HDAC9: variants seen among roughly 807,000 people sequenced by gnomAD.
HDAC9 encodes the protein MEF-2 interacting transcription repressor (MITR) protein.
In HDAC9, 41 loss-of-function variants were observed where a neutral mutation model predicts 139.4. The ratio of observed to expected loss-of-function variants is 0.29; its 90% confidence interval spans 0.23 to 0.38. The LOEUF (loss-of-function observed/expected upper bound fraction) is 0.38, where lower values mean the gene tolerates loss of function less well. Among genes scored for constraint, HDAC9 ranks in the 10% least tolerant of loss-of-function variants. The pLI is 1.00. For synonymous variants in HDAC9, 517 were observed against 476.2 expected (o/e 1.09, Z -1.12); for missense variants, 1,147 against 1,297.0 (o/e 0.88, Z 1.78).
chr7:18,344,061 G>A (rs1782217215), intron 1 of HDAC9, among the ~76,000 whole-genome samples: 2 of 151,714 alleles, frequency 1.3e-5, no homozygotes, highest in Admixed American at 1.3e-4. Flanking sequence ...TCACTTTTTA[G>A]GGTCTTAATG....
At chr7:18,299,780 A>G (rs776117060) in intron 1 of HDAC9, among the ~76,000 whole-genome samples, 1 of 152,314 alleles carries the variant, frequency 6.6e-6, no homozygotes, top group Admixed American at 6.5e-5. Flanking sequence ...TTAGTCATTC[A>G]GGGGCTCTGC....
chr7:18,862,778 C>T (rs947724184), intron 21 of HDAC9, among the ~76,000 whole-genome samples: 6 of 151,690 alleles, frequency 4.0e-5, no homozygotes, highest in African/African-American at 1.5e-4. Context: ...AAAAATAGGG[C>T]AAGATAAGAG....
intron 15 of HDAC9, among the ~76,000 whole-genome samples, chr7:18,765,117 C>A (rs536356033): frequency 1.3e-5 from 2 of 152,164 alleles, no homozygotes; most frequent in South Asian, 2.1e-4. Context: ...GATAAGACAA[C>A]ATAATTAAAA....
intron 1 of HDAC9, among the ~76,000 whole-genome samples, chr7:18,482,544 G>C (rs1373199694): frequency 6.6e-6 from 1 of 151,800 alleles, no homozygotes; most frequent in African/African-American, 2.4e-5. Context: ...TGTTATTAGA[G>C]TTATCAAATC....
At chr7:18,951,253 A>G (rs926290237) in intron 23 of HDAC9, among the ~76,000 whole-genome samples, 1 of 152,020 alleles carries the variant, frequency 6.6e-6, no homozygotes, top group Admixed American at 6.6e-5. Flanking sequence ...TATATGGTAT[A>G]TGCAACTTAA....
At chr7:18,937,645 A>T (rs1219245382) in intron 23 of HDAC9, among the ~76,000 whole-genome samples, 1 of 152,146 alleles carries the variant, frequency 6.6e-6, no homozygotes, top group Non-Finnish European at 1.5e-5. Flanking sequence ...CACTTATTTG[A>T]TTTTAATTAT....
intron 1 of HDAC9, among the ~76,000 whole-genome samples, chr7:18,392,123 A>G (rs1303743634): frequency 6.6e-6 from 1 of 152,098 alleles, no homozygotes; most frequent in Non-Finnish European, 1.5e-5. Context: ...TAGAATGACC[A>G]TTTACAAGTT....
chr7:18,487,357 GA>G (rs1796046878), intron 1 of HDAC9, among the ~76,000 whole-genome samples: 1 of 151,932 alleles, frequency 6.6e-6, no homozygotes, highest in African/African-American at 2.4e-5. Context: ...CAGAGACATG[GA>G]AAAATGAAAA....
intron 2 of HDAC9, among the ~76,000 whole-genome samples, chr7:18,187,593 C>T (rs1790014137): frequency 6.6e-6 from 1 of 152,172 alleles, no homozygotes; most frequent in African/African-American, 2.4e-5. Flanking sequence ...CAAACCTTGT[C>T]TTCCATTTTT....
chr7:18,898,011 G>T lies in HDAC9; in HGVS notation c.2803+23415G>T, dbSNP rs1328855173. On this transcript the variant is annotated intron_variant, in intron 22 of 25. Transcript: ENST00000686413. ...ATACATTTTTGTATATGCATGAATAGTAAAATATATTTCACACATTTCTTT... is the reference window on the plus strand; with the variant it reads ...ATACATTTTTGTATATGCATGAATATTAAAATATATTTCACACATTTCTTT... Among the ~76,000 whole-genome samples the T allele has an allele frequency of 2.6e-5, 4 of 151,344 alleles. No individual in the cohort carries two copies. In the East Asian group the frequency reaches 7.7e-4, roughly 29 times the overall value.
intron 21 of HDAC9, among the ~76,000 whole-genome samples, chr7:18,839,529 CAATGAATGAATG>C (rs914632204): frequency 2.0e-5 from 3 of 151,880 alleles, no homozygotes; most frequent in Non-Finnish European, 4.4e-5. Flanking sequence ...TTGAATGAGT[CAATGAATGAATG>C]AATGAATGAA....
At chr7:18,923,374 CT>C (rs1803930880) in intron 22 of HDAC9, among the ~76,000 whole-genome samples, 3 of 152,100 alleles carry the variant, frequency 2.0e-5, no homozygotes, top group Non-Finnish European at 4.4e-5. Flanking sequence ...AAGTAGTTGC[CT>C]AATCTCATTA....
chr7:18,396,212 T>C (rs887320193), intron 1 of HDAC9, among the ~76,000 whole-genome samples: 6 of 151,580 alleles, frequency 4.0e-5, no homozygotes, highest in African/African-American at 1.5e-4. Flanking sequence ...TGCCAGGTAC[T>C]ATAATAGGCA....
chr7:18,707,362 G>A (rs1784008703), intron 12 of HDAC9, among the ~76,000 whole-genome samples: 1 of 152,212 alleles, frequency 6.6e-6, no homozygotes, highest in African/African-American at 2.4e-5. Flanking sequence ...AAGCAGAGAA[G>A]TCAATGTGGG....
At chr7:18,922,676 ACAAAG>A (rs916573665) in intron 22 of HDAC9, among the ~76,000 whole-genome samples, 13 of 152,124 alleles carry the variant, frequency 8.5e-5, no homozygotes. Context: ...CCTTAGAGAA[ACAAAG>A]CAAAGTCCAG....
chr7:18,767,724 T>C (rs1048171577), intron 16 of HDAC9, among the ~76,000 whole-genome samples: 3 of 152,142 alleles, frequency 2.0e-5, no homozygotes, highest in African/African-American at 7.2e-5. Flanking sequence ...CAGCAACACA[T>C]GAAGAAAAAT....
chr7:18,467,421 A>G (rs1262547652), intron 1 of HDAC9, among the ~76,000 whole-genome samples: 1 of 151,548 alleles, frequency 6.6e-6, no homozygotes. Context: ...GCCTGAAACA[A>G]CTCTTGTTGT....
At chr7:18,226,101 C>T (rs1169790176) in intron 2 of HDAC9, among the ~76,000 whole-genome samples, 3 of 152,108 alleles carry the variant, frequency 2.0e-5, no homozygotes, top group Non-Finnish European at 4.4e-5. Flanking sequence ...CATATCTATA[C>T]TTTAATGTAT....
chr7:18,889,642 G>C (rs1800498106), intron 22 of HDAC9, among the ~76,000 whole-genome samples: 2 of 152,166 alleles, frequency 1.3e-5, no homozygotes, highest in African/African-American at 2.4e-5. Context: ...GGTTCAAAAA[G>C]CAGGCTCCAC....
Sources: gnomAD v4.1 joint callset for allele counts (sites outside exome capture counted in the v4.1 genomes callset) on GRCh38, gnomAD v4.1.1 for gene constraint, MANE v1.5 for transcripts, NCBI Gene and HGNC (gene_info 2026-07-23, HGNC 2026-07-21) for gene names.